The following RBFOX1 variants were observed in gnomAD, a reference collection of about 807,000 sequenced individuals.
The protein encoded by RBFOX1 is RNA binding protein fox-1 homolog 1.
Under a neutral mutation model 57.7 loss-of-function variants are expected in RBFOX1, and 8 were observed. That is an observed-to-expected ratio of 0.14 (90% confidence interval 0.08 to 0.25). The LOEUF (loss-of-function observed/expected upper bound fraction) is 0.25. Ranked by LOEUF, RBFOX1 falls within the 10% of genes least tolerant of loss-of-function variation. The probability of loss-of-function intolerance (pLI) is 1.00; values close to 1 mark genes in which losing one functional copy is unlikely to be tolerated. For missense variants in RBFOX1, 611 were observed against 548.5 expected, an observed-to-expected ratio of 1.11 and a Z score of -1.14; for synonymous variants, 326 against 222.4, an observed-to-expected ratio of 1.47 and a Z score of -4.15.
chr16:6,387,656 A>T (rs1049537949), intron 2 of RBFOX1, among the ~76,000 whole-genome samples: 3 of 152,152 alleles, frequency 2.0e-5, no homozygotes, highest in African/African-American at 4.8e-5. Flanking sequence ...CTACCTAATT[A>T]TATTTTTAGC....
chr16:7,215,071 C>T (rs772015151), intron 4 of RBFOX1, among the ~76,000 whole-genome samples: 24 of 152,054 alleles, frequency 1.6e-4, no homozygotes, highest in Non-Finnish European at 2.6e-4. Flanking sequence ...CCACCCCCCG[C>T]GGACAGGCCC....
At chr16:7,013,627 G>C (rs964596479) in intron 3 of RBFOX1, among the ~76,000 whole-genome samples, 2 of 152,176 alleles carry the variant, frequency 1.3e-5, no homozygotes, top group African/African-American at 4.8e-5. Context: ...CCTGGAATCA[G>C]GGAGGAGGGA....
chr16:5,836,158 T>C (rs2056449761), intron 3 of RBFOX1, among the ~76,000 whole-genome samples: 1 of 152,132 alleles, frequency 6.6e-6, no homozygotes, highest in African/African-American at 2.4e-5. Context: ...CGTCTGCTGC[T>C]ACCGCCGCCA....
chr16:7,057,335 G>A (rs1267592527), intron 4 of RBFOX1, among the ~76,000 whole-genome samples: 1 of 152,142 alleles, frequency 6.6e-6, no homozygotes, highest in African/African-American at 2.4e-5. Context: ...AGGCCTCCCA[G>A]GAATCAGAGC....
chr16:6,662,443 G>C lies in RBFOX1; in HGVS notation c.-16+7793G>C, dbSNP rs12448941. Among the ~76,000 whole-genome samples the C allele has an allele frequency of 2.0e-5, 3 of 151,984 alleles. No homozygotes were observed. In the East Asian group the frequency reaches 5.8e-4, roughly 29 times the overall value. The stretch of plus-strand genomic sequence containing the variant: ...ATCTCAATACAGTTAGGGAGAAAAA[G>C]AGAGATGTGGAATAGAAGAGGAACA... On this transcript the variant is annotated intron_variant, in intron 3 of 15. Transcript: ENST00000550418.
At chr16:6,651,352 C>G (rs1335448318) in intron 2 of RBFOX1, among the ~76,000 whole-genome samples, 1 of 149,812 alleles carries the variant, frequency 6.7e-6, no homozygotes, top group African/African-American at 2.5e-5. Flanking sequence ...TAAAGACGTC[C>G]CATTGATTTT....
chr16:5,952,305 C>G (rs1438821886), intron 4 of RBFOX1, among the ~76,000 whole-genome samples: 2 of 152,014 alleles, frequency 1.3e-5, no homozygotes, highest in Non-Finnish European at 2.9e-5. Flanking sequence ...CGTGCGCCAC[C>G]ACACCTGGTT....
intron 4 of RBFOX1, among the ~76,000 whole-genome samples, chr16:7,248,231 A>T (rs990589084): frequency 6.6e-6 from 1 of 152,196 alleles, no homozygotes; most frequent in African/African-American, 2.4e-5. Context: ...AAAAGGGTCT[A>T]CAAACCATTA....
chr16:5,255,334 A>ATCCATCCCTCCATCCATCCC (rs4047466), intron 1 of RBFOX1, among the ~76,000 whole-genome samples: 1 of 137,018 alleles, frequency 7.3e-6, no homozygotes, highest in Admixed American at 7.2e-5. Context: ...CCATCCATCC[A>ATCCATCCCTCCATCCATCCC]TCCATCCATC....
rs370312173 is a variant in RBFOX1, at chr16:6,097,275, A to G, written c.-127+77283A>G. On this transcript the variant is annotated intron_variant, in intron 1 of 15. Coordinates refer to ENST00000550418, the MANE Select transcript of RBFOX1 (RefSeq NM_018723.4). The surrounding 1 kb of genome is among the most constrained non-coding windows in gnomAD (Gnocchi z 5.0). ...GTTTATAAATTACTCAGTCTCATGT[A>G]TGTCTTTATCAGCAGCATAAAAACA... Among the ~76,000 whole-genome samples the G allele has an allele frequency of 6.6e-6, 1 of 152,156 alleles. No individual in the cohort carries two copies. The highest frequency in any genetic ancestry group is 1.5e-5 in the Non-Finnish European group (1 of 68,026).
At chr16:7,452,086 A>C (rs1052883254) in intron 4 of RBFOX1, among the ~76,000 whole-genome samples, 1 of 152,260 alleles carries the variant, frequency 6.6e-6, no homozygotes, top group African/African-American at 2.4e-5. Flanking sequence ...AGGAATGAGA[A>C]GCAATGTAGT....
At chr16:7,002,139 GTCTAGGGTTA>G (rs1305015541) in intron 3 of RBFOX1, among the ~76,000 whole-genome samples, 13 of 152,136 alleles carry the variant, frequency 8.5e-5, no homozygotes, top group Admixed American at 3.3e-4. Flanking sequence ...TGTTAGGTGA[GTCTAGGGTTA>G]TTGTGGCCAT....
At chr16:6,817,859 C>T (rs764674283) in intron 3 of RBFOX1, among the ~76,000 whole-genome samples, 10 of 152,144 alleles carry the variant, frequency 6.6e-5, no homozygotes, top group Non-Finnish European at 1.5e-4. Context: ...TCATATCAGA[C>T]AGGAGATCCC....
At chr16:6,031,699 G>A (rs763565103) in intron 1 of RBFOX1, among the ~76,000 whole-genome samples, 1 of 152,212 alleles carries the variant, frequency 6.6e-6, no homozygotes, top group African/African-American at 2.4e-5. Flanking sequence ...AAGAGAAGGA[G>A]CCACGAACAG....
intron 2 of RBFOX1, among the ~76,000 whole-genome samples, chr16:6,425,714 T>TACAC (rs149682530): frequency 2.6e-5 from 4 of 152,010 alleles, no homozygotes; most frequent in African/African-American, 9.6e-5. Flanking sequence ...ATCTAATTCA[T>TACAC]ACACACACAC....
chr16:6,102,771 C>G (rs1354068533), intron 1 of RBFOX1, among the ~76,000 whole-genome samples: 4 of 152,130 alleles, frequency 2.6e-5, no homozygotes, highest in Admixed American at 6.5e-5. Flanking sequence ...TAAACTGTGT[C>G]TCGTGATTTT....
At chr16:6,826,587 C>T (rs1188320152) in intron 3 of RBFOX1, among the ~76,000 whole-genome samples, 2 of 152,144 alleles carry the variant, frequency 1.3e-5, no homozygotes, top group South Asian at 2.1e-4. Flanking sequence ...TGCTCTATTC[C>T]TCCTCTCTTT....
chr16:6,004,604 A>C (rs2060661003), intron 4 of RBFOX1, among the ~76,000 whole-genome samples: 1 of 152,220 alleles, frequency 6.6e-6, no homozygotes, highest in African/African-American at 2.4e-5. Flanking sequence ...TATTCATTTA[A>C]CATGCACTCT....
chr16:6,163,640 G>C (rs1290683958), intron 1 of RBFOX1, among the ~76,000 whole-genome samples: 1 of 152,154 alleles, frequency 6.6e-6, no homozygotes, highest in Non-Finnish European at 1.5e-5. Flanking sequence ...AGATAGCAGA[G>C]ACTTTACTGG....
Sources: allele counts gnomAD v4.1 joint callset (sites outside exome capture counted in the v4.1 genomes callset), GRCh38; gene constraint gnomAD v4.1.1; non-coding constraint Gnocchi (gnomAD v3.1); transcripts MANE v1.5; gene names NCBI Gene and HGNC (gene_info 2026-07-23, HGNC 2026-07-21).